DAAM2: variants seen among roughly 807,000 people sequenced by gnomAD.
DAAM2 encodes disheveled-associated activator of morphogenesis 2.
In DAAM2, 39 loss-of-function variants were observed where a neutral mutation model predicts 120.7. That is an observed-to-expected ratio of 0.32 (90% CI 0.25 to 0.42). The LOEUF (loss-of-function observed/expected upper bound fraction) is 0.42. Ranked by LOEUF, DAAM2 falls within the 10% of genes least tolerant of loss-of-function variation. The pLI is 1.00. For missense variants in DAAM2, 1,283 were observed against 1,401.7 expected (o/e 0.92, Z 1.35); for synonymous variants, 488 against 524.9 (o/e 0.93, Z 0.96).
At chr6:39,834,339 G>A (rs1763025133) in intron 1 of DAAM2, among the ~76,000 whole-genome samples, 1 of 152,050 alleles carries the variant, frequency 6.6e-6, no homozygotes, top group South Asian at 2.1e-4. Flanking sequence ...TTTTAACTAT[G>A]ACTTTTCACT....
rs1562070640 is a variant in DAAM2, at chr6:39,902,108, GTGA to G, written c.*73_*75del. ...AGAATGGGGCTGAGTGGAGGAGGTG[GTGA>G]TATTTAAACCATTTGGTGCTTGGTT... is the stretch of plus-strand genomic sequence containing the variant. On this transcript the variant is annotated 3_prime_UTR_variant, in exon 25 of 25. Coordinates refer to ENST00000274867, the MANE Select transcript of DAAM2 (RefSeq NM_001201427.2). The G allele has an allele frequency of 7.4e-7, 1 of 1,359,066 alleles. No homozygotes were observed. Among genetic ancestry groups the G allele is most frequent in the Non-Finnish European group, 1.0e-6 (1 of 990,120 alleles). 84.2% of individuals were successfully genotyped at this position (1,359,066 alleles called of 1,614,324 possible). A position where few individuals can be genotyped will look rare whatever the true frequency, so the allele number is the denominator to read the frequency against.
In DAAM2 at chr6:39,892,143, A is replaced by G. The variant is rs192288349; in HGVS notation, c.2341+421A>G. On this transcript the variant is annotated intron_variant, in intron 19 of 24. Transcript: ENST00000274867. ...TAGTTTAAGTGTGAGCCATTCAGAA[A>G]GTAGGAAATTGCACAAGCTGATTTC... is the stretch of plus-strand genomic sequence containing the variant. Among the ~76,000 whole-genome samples the G allele has an allele frequency of 4.6e-5, 7 of 152,326 alleles. No individual in the cohort carries two copies. In the East Asian group the frequency reaches 1.4e-3, roughly 29 times the overall value.
chr6:39,904,593 G>A lies in DAAM2; in HGVS notation c.*2556G>A, dbSNP rs1378700945. 1 of 453,418 alleles carries A rather than the reference G, an allele frequency of 2.2e-6. No individual in the cohort carries two copies. Among genetic ancestry groups the A allele is most frequent in the South Asian group, 1.6e-5 (1 of 64,450 alleles). The allele number at this position is 453,418 out of a possible 1,614,324, so 28.1% of individuals were successfully genotyped here. A position where few individuals can be genotyped will look rare whatever the true frequency, so the allele number is the denominator to read the frequency against. On this transcript the variant is annotated 3_prime_UTR_variant, in exon 25 of 25. Coordinates refer to ENST00000274867, the MANE Select transcript of DAAM2 (RefSeq NM_001201427.2). The stretch of plus-strand genomic sequence containing the variant: ...CCCTGTGATGGAAATAAAGTGTTTA[G>A]GGCAGTGGGAGGAGAAAATTCTCCA...
chr6:39,897,386 G>A (rs1766171693), intron 21 of DAAM2, 104 bp downstream of exon 21: 1 of 721,550 alleles, frequency 1.4e-6, no homozygotes, highest in Non-Finnish European at 2.4e-6. Context: ...GCTGGTGTGA[G>A]ACCTCGGTTC....
At chr6:39,845,595 C>G (rs1469134701) in intron 1 of DAAM2, among the ~76,000 whole-genome samples, 1 of 151,940 alleles carries the variant, frequency 6.6e-6, no homozygotes. Context: ...ACACATACCA[C>G]TCCCCACCGC....
rs751425380 is a variant in DAAM2, at chr6:39,901,989, G to C, written c.3159G>C (p.Gln1053His). ...GCAGCCGCAAGCGATCAGGGAGCCA[G>C]GCCCTGGAAGTTACCCGGGAGCGGG... ...LKRSRKRSGS[Q>H]ALEVTRERAI... The change falls in exon 25 of 25, where the codon CAG (glutamine) becomes CAC (histidine). Residue 1053 changes from glutamine to histidine, a missense_variant. Physicochemically the swap from Gln to His is conservative, Grantham distance 24. Coordinates refer to ENST00000274867, the MANE Select transcript of DAAM2 (RefSeq NM_001201427.2). This position sits in a 1 kb window ranked among gnomAD's most constrained non-coding sequence, Gnocchi z 4.5. 6.2e-7 allele frequency: 1 copy of C among 1,611,838 alleles called. No individual in the cohort carries two copies. The highest frequency in any genetic ancestry group is 1.1e-5 in the South Asian group (1 of 90,946).
chr6:39,837,663 C>CAAAA (rs758751293), intron 1 of DAAM2, among the ~76,000 whole-genome samples: 27 of 41,140 alleles, frequency 6.6e-4, no homozygotes, highest in African/African-American at 1.6e-3. Context: ...AACTCCATCT[C>CAAAA]AAAAAAAAAA....
In DAAM2 at chr6:39,896,960, C is replaced by A. The variant is rs768458774; in HGVS notation, c.2490C>A (p.Asp830Glu). The A allele has an allele frequency of 1.8e-5, 29 of 1,610,586 alleles. No homozygotes were observed. Among genetic ancestry groups the A allele is most frequent in the Non-Finnish European group, 2.3e-5 (27 of 1,178,392 alleles). The change falls in exon 20 of 25, where the codon GAC becomes GAA. Residue 830 changes from aspartate to glutamate, a missense_variant. Transcript: ENST00000274867. ...FRVASLNKIADTKSSIDRNIS... is the reference protein window; with the variant it reads ...FRVASLNKIAETKSSIDRNIS... ...TGGCCAGCCTCAACAAGATCGCTGA[C>A]ACCAAGTCCAGCATCGACAGGTGAG...
chr6:39,864,104 C>T (rs1250999719), intron 3 of DAAM2, among the ~76,000 whole-genome samples: 2 of 152,054 alleles, frequency 1.3e-5, no homozygotes, highest in Non-Finnish European at 2.9e-5. Flanking sequence ...GATTCAACAG[C>T]CAGGAAATTA....
At chr6:39,890,253 A>G (rs1765631406) in intron 17 of DAAM2, among the ~76,000 whole-genome samples, 1 of 152,228 alleles carries the variant, frequency 6.6e-6, no homozygotes, top group African/African-American at 2.4e-5. Context: ...TTGCTGTCTC[A>G]GGGATGGCAG....
intron 5 of DAAM2, among the ~76,000 whole-genome samples, chr6:39,866,180 G>A (rs1193760118): frequency 6.6e-6 from 1 of 152,196 alleles, no homozygotes; most frequent in Non-Finnish European, 1.5e-5. Flanking sequence ...TGGGGCTCTG[G>A]AATGGGAAGG....
At chr6:39,819,823 C>T (rs1762427996) in intron 1 of DAAM2, 2 of 152,358 alleles carry the variant, frequency 1.3e-5, no homozygotes, top group African/African-American at 2.4e-5. Flanking sequence ...TGAGACAGCT[C>T]TCTGGGGTCT....
At chr6:39,883,701 C>A (rs1438325071) in intron 14 of DAAM2, 6 of 417,182 alleles carry the variant, frequency 1.4e-5, no homozygotes, top group Non-Finnish European at 2.6e-5. Flanking sequence ...CCCCCCAGCA[C>A]CCCCCATGAT....
chr6:39,866,154 G>A (rs908145714), intron 5 of DAAM2, among the ~76,000 whole-genome samples: 10 of 152,188 alleles, frequency 6.6e-5, no homozygotes, highest in African/African-American at 2.4e-4. Context: ...ATTGTCTCTT[G>A]TCATTCTGGT....
At chr6:39,840,141 C>T (rs981183929) in intron 1 of DAAM2, among the ~76,000 whole-genome samples, 14 of 152,094 alleles carry the variant, frequency 9.2e-5, no homozygotes, top group East Asian at 1.9e-4. Context: ...GCAGGAGGAT[C>T]GCTTGAGTCT....
rs954066190 is a variant in DAAM2 at position 39,878,711 on chromosome 6, T to C, written c.1545+123T>C. ...ATGAGGGAGAAGGGAGATGGAGACC[T>C]TGGGCCAGGATAGAAGAGACCCTTG... is the stretch of plus-strand genomic sequence containing the variant. On this transcript the variant is annotated intron_variant, in intron 13 of 24. Coordinates refer to ENST00000274867, the MANE Select transcript of DAAM2 (RefSeq NM_001201427.2). The surrounding 1 kb of genome is among the most constrained non-coding windows in gnomAD (Gnocchi z 5.0). The C allele has an allele frequency of 1.3e-5, 13 of 1,021,142 alleles. No homozygotes were observed. The highest frequency in any genetic ancestry group is 2.7e-5 in the Admixed American group (1 of 36,420). 63.3% of individuals were successfully genotyped at this position (1,021,142 alleles called of 1,614,324 possible).
intron 19 of DAAM2, among the ~76,000 whole-genome samples, chr6:39,895,075 C>T (rs901353954): frequency 6.6e-6 from 1 of 151,806 alleles, no homozygotes; most frequent in African/African-American, 2.4e-5. Flanking sequence ...ATGAATACAC[C>T]ATAATTTACC....
chr6:39,887,714 C>CTGGA (rs5875688), intron 16 of DAAM2, 122 bp downstream of exon 16: 339,255 of 670,038 alleles, frequency 0.51, 87,422 homozygotes, highest in East Asian at 0.59. Context: ...AGGCATTGAT[C>CTGGA]TGGAACTGTC....
Position 39,901,282 on chromosome 6 carries a change from C to T in DAAM2, c.2812-20C>T, listed in dbSNP as rs1357681081. ...ATGCTCCAGGGCACTCTCCACCAAT[C>T]CTGTTCTGTCCCTTGACAGTTCGCC... On this transcript the variant is annotated intron_variant, in intron 23 of 24. Transcript: ENST00000274867. The surrounding 1 kb of genome is among the most constrained non-coding windows in gnomAD (Gnocchi z 4.5). 57 of 1,607,624 alleles carry T rather than the reference C, an allele frequency of 3.5e-5. No homozygotes were observed. The highest frequency in any genetic ancestry group is 4.1e-5 in the Non-Finnish European group (48 of 1,176,328).
Sources: allele counts gnomAD v4.1 joint callset (sites outside exome capture counted in the v4.1 genomes callset), GRCh38; gene constraint gnomAD v4.1.1; non-coding constraint Gnocchi (gnomAD v3.1); transcripts MANE v1.5; gene names NCBI Gene and HGNC (gene_info 2026-07-23, HGNC 2026-07-21).